CPXM2: variants seen among roughly 807,000 people sequenced by gnomAD.
CPXM2 encodes the protein carboxypeptidase X, M14 family member 2, also known as inactive carboxypeptidase-like protein X2.
Under a neutral mutation model 86.1 loss-of-function variants are expected in CPXM2, and 66 were observed. That is an observed-to-expected ratio of 0.77 (90% CI 0.63 to 0.94). The LOEUF is 0.94. Ranked by LOEUF, CPXM2 falls within the 40% of genes least tolerant of loss-of-function variation. The pLI is 0.00. For synonymous variants in CPXM2, 388 were observed against 400.2 expected, an observed-to-expected ratio of 0.97 and a Z score of 0.36; for missense variants, 948 against 1,026.3, an observed-to-expected ratio of 0.92 and a Z score of 1.04.
rs958183102 is a variant in CPXM2, at chr10:123,891,045, T to C, written c.304+311A>G. On this transcript the variant is annotated intron_variant, in intron 1 of 13. Coordinates refer to ENST00000241305, the MANE Select transcript of CPXM2 (RefSeq NM_198148.3). This position sits in a 1 kb window ranked among gnomAD's most constrained non-coding sequence, Gnocchi z 5.6. ...AAGAGGCATCCAGCAGAAAGACCCT[T>C]AGCTCAGGGGATTTCAAGCTTGAAA... Among the ~76,000 whole-genome samples, 2 of 152,200 alleles carry C rather than the reference T, an allele frequency of 1.3e-5. No homozygotes were observed. The highest frequency in any genetic ancestry group is 2.9e-5 in the Non-Finnish European group (2 of 68,038).
intron 1 of CPXM2, among the ~76,000 whole-genome samples, chr10:123,883,472 G>A (rs1307435279): frequency 4.6e-5 from 7 of 152,204 alleles, no homozygotes; most frequent in Admixed American, 6.5e-5. Flanking sequence ...CTGCCACGGT[G>A]GAAGTTACCA....
At chr10:123,910,223 C>T (rs1018755193) in intron 2 of CPXM2, among the ~76,000 whole-genome samples, 1 of 152,184 alleles carries the variant, frequency 6.6e-6, no homozygotes, top group African/African-American at 2.4e-5. Flanking sequence ...TCACCCATGC[C>T]AGACAGGTGC....
Position 123,891,667 on chromosome 10 carries a change from C to T in CPXM2, c.-8G>A, listed in dbSNP as rs1945276052. On this transcript the variant is annotated 5_prime_UTR_variant, in exon 1 of 14. Coordinates refer to ENST00000241305, the MANE Select transcript of CPXM2 (RefSeq NM_198148.3). This position sits in a 1 kb window ranked among gnomAD's most constrained non-coding sequence, Gnocchi z 5.6. Reference sequence around the variant, plus strand: ...GGTCCCCGGGCGGGACATGCCTGCTCCGCCCCGCGCCCAGGGCAGGGTCAC... The same window carrying T: ...GGTCCCCGGGCGGGACATGCCTGCTTCGCCCCGCGCCCAGGGCAGGGTCAC... 1 of 1,381,556 alleles carries T rather than the reference C, an allele frequency of 7.2e-7. No individual in the cohort carries two copies. Among genetic ancestry groups the T allele is most frequent in the Non-Finnish European group, 9.3e-7 (1 of 1,069,538 alleles). 85.6% of individuals were successfully genotyped at this position (1,381,556 alleles called of 1,614,324 possible). A position where few individuals can be genotyped will look rare whatever the true frequency, so the allele number is the denominator to read the frequency against.
At chr10:123,924,381 A>T (rs941142284) in intron 2 of CPXM2, among the ~76,000 whole-genome samples, 1 of 152,100 alleles carries the variant, frequency 6.6e-6, no homozygotes, top group Non-Finnish European at 1.5e-5. Flanking sequence ...TAGGTTCCAT[A>T]GTTGGTTCTA....
At chr10:123,853,951 C>T (rs1215998782) in intron 3 of CPXM2, among the ~76,000 whole-genome samples, 2 of 151,940 alleles carry the variant, frequency 1.3e-5, no homozygotes, top group African/African-American at 4.8e-5. Context: ...TTCTTTCTTT[C>T]CCTCCTCCTC....
At chr10:123,934,771 C>T (rs1269554368) in intron 2 of CPXM2, among the ~76,000 whole-genome samples, 1 of 152,164 alleles carries the variant, frequency 6.6e-6, no homozygotes, top group African/African-American at 2.4e-5. Context: ...AGGGCCCTTT[C>T]TCCCCACCCA....
chr10:123,821,461 GAC>G (rs1481198050), intron 4 of CPXM2, among the ~76,000 whole-genome samples: 1 of 152,218 alleles, frequency 6.6e-6, no homozygotes, highest in African/African-American at 2.4e-5. Flanking sequence ...GGCCACTGGA[GAC>G]TTCTGAAAAC....
At chr10:123,804,627 T>C (rs1295516203) in intron 4 of CPXM2, among the ~76,000 whole-genome samples, 1 of 152,200 alleles carries the variant, frequency 6.6e-6, no homozygotes, top group East Asian at 1.9e-4. Flanking sequence ...ATGGATATGA[T>C]GATATCCCAA....
chr10:123,935,328 G>A (rs906718382), intron 2 of CPXM2, among the ~76,000 whole-genome samples: 5 of 152,154 alleles, frequency 3.3e-5, no homozygotes, highest in African/African-American at 9.7e-5. Context: ...CAATTGCGGC[G>A]GGGGTCAAGC....
chr10:123,859,512 C>T (rs1848808873), intron 3 of CPXM2, among the ~76,000 whole-genome samples: 1 of 152,224 alleles, frequency 6.6e-6, no homozygotes, highest in Admixed American at 6.5e-5. Context: ...CCCACAGACA[C>T]ACATTGCAAA....
chr10:123,940,947 G>A (rs1157637281), upstream of CPXM2, among the ~76,000 whole-genome samples: 4 of 152,210 alleles, frequency 2.6e-5, no homozygotes, highest in Admixed American at 6.5e-5. Flanking sequence ...TGAGGTGGGC[G>A]GATCACGAGG....
intron 2 of CPXM2, among the ~76,000 whole-genome samples, chr10:123,908,913 T>G (rs1194242414): frequency 1.3e-5 from 2 of 152,160 alleles, no homozygotes; most frequent in Non-Finnish European, 2.9e-5. Context: ...TCACTCTATG[T>G]AAATTTTGCT....
Position 123,754,531 on chromosome 10 carries a change from A to G in CPXM2, c.2017+132T>C. ...GGGTCTCTTGAAAAGTGGGAAATTT[A>G]GAGGAAGGAGACTGTAATTTGGCTC... On this transcript the variant is annotated intron_variant, in intron 13 of 13. Coordinates refer to ENST00000241305, the MANE Select transcript of CPXM2 (RefSeq NM_198148.3). This position sits in a 1 kb window ranked among gnomAD's most constrained non-coding sequence, Gnocchi z 4.0. The G allele has an allele frequency of 1.6e-6, 1 of 634,550 alleles. No homozygotes were observed. Among genetic ancestry groups the G allele is most frequent in the Admixed American group, 2.6e-5 (1 of 38,138 alleles). 39.3% of individuals were successfully genotyped at this position (634,550 alleles called of 1,614,324 possible).
intron 3 of CPXM2, among the ~76,000 whole-genome samples, chr10:123,851,513 T>C (rs888902878): frequency 1.3e-5 from 2 of 152,150 alleles, no homozygotes; most frequent in African/African-American, 4.8e-5. Flanking sequence ...CTCATGCCTG[T>C]AATCCCAGCA....
chr10:123,888,954 C>T (rs1283812442), intron 1 of CPXM2, among the ~76,000 whole-genome samples: 1 of 152,212 alleles, frequency 6.6e-6, no homozygotes, highest in African/African-American at 2.4e-5. Context: ...GGCAATGTGT[C>T]CTGCAGGAGC....
chr10:123,903,281 C>A lies in CPXM2; in HGVS notation n.175-22972G>T, dbSNP rs151128601. On this transcript the variant is annotated intron_variant and non_coding_transcript_variant, in intron 2 of 19. Transcript: ENST00000368854. ...TTACCTCCTCCAGGGCTGTTGGCAT[C>A]CCTCTTGCATGCAGAAGGTGCTCAG... 5.6e-4 allele frequency among the ~76,000 whole-genome samples: 86 copies of A among 152,322 alleles called. 3 individuals carry two copies. The East Asian group carries it at 0.016, about 29-fold the overall frequency.
At chr10:123,936,206 C>T (rs1193648587) in intron 2 of CPXM2, among the ~76,000 whole-genome samples, 1 of 152,174 alleles carries the variant, frequency 6.6e-6, no homozygotes, top group East Asian at 1.9e-4. Flanking sequence ...CACTATCATC[C>T]CCATTTTACA....
chr10:123,937,807 G>T (rs1327823609), intron 2 of CPXM2, among the ~76,000 whole-genome samples: 2 of 152,046 alleles, frequency 1.3e-5, no homozygotes, highest in Non-Finnish European at 2.9e-5. Context: ...TAAAATCAAA[G>T]CCTTTAGAGA....
At chr10:123,867,990 G>C (rs1356418767) in intron 2 of CPXM2, among the ~76,000 whole-genome samples, 1 of 152,256 alleles carries the variant, frequency 6.6e-6, no homozygotes, top group African/African-American at 2.4e-5. Flanking sequence ...AGCCACGTAA[G>C]AGAGAGGAGG....
Sources: gnomAD v4.1 joint callset for allele counts (sites outside exome capture counted in the v4.1 genomes callset) on GRCh38, gnomAD v4.1.1 for gene constraint, Gnocchi (gnomAD v3.1) non-coding constraint, MANE v1.5 for transcripts, NCBI Gene and HGNC (gene_info 2026-07-23, HGNC 2026-07-21) for gene names.